MANBA: variants seen among roughly 807,000 people sequenced by gnomAD.
MANBA encodes beta-mannosidase.
Under a neutral mutation model 111.1 loss-of-function variants are expected in MANBA, and 83 were observed. That is an observed-to-expected ratio of 0.75 (90% confidence interval 0.63 to 0.90). MANBA has a LOEUF of 0.90. Among genes scored for constraint, MANBA ranks in the 40% least tolerant of loss-of-function variants. The pLI, the probability that MANBA is intolerant of heterozygous loss-of-function variation, is 0.00. For missense variants in MANBA, 1,036 were observed against 1,069.0 expected (o/e 0.97, Z 0.43); for synonymous variants, 370 against 378.7 (o/e 0.98, Z 0.27).
chr4:102,645,996 CT>C (rs1440007520), intron 13 of MANBA, among the ~76,000 whole-genome samples: 1 of 152,106 alleles, frequency 6.6e-6, no homozygotes, highest in Non-Finnish European at 1.5e-5. Context: ...AGCAGAAACC[CT>C]ACTCCATTCA....
intron 1 of MANBA, among the ~76,000 whole-genome samples, chr4:102,731,274 T>A (rs1488833606): frequency 6.6e-6 from 1 of 152,128 alleles, no homozygotes; most frequent in Admixed American, 6.5e-5. Flanking sequence ...ATCTGTGGTG[T>A]GTAGCCAGCA....
chr4:102,709,283 AAAGGAAGG>A (rs141516317), intron 5 of MANBA, among the ~76,000 whole-genome samples: 48,433 of 127,268 alleles, frequency 0.38, 10,402 homozygotes, highest in African/African-American at 0.46. Context: ...GAAAAGAAAG[AAAGGAAGG>A]AAGGAAGGAA....
intron 4 of MANBA, among the ~76,000 whole-genome samples, chr4:102,721,701 T>C (rs956621758): frequency 1.3e-5 from 2 of 152,104 alleles, no homozygotes; most frequent in Non-Finnish European, 2.9e-5. Flanking sequence ...ATTCCACTTA[T>C]ATAACATTTC....
chr4:102,730,765 T>C (rs1723004431), intron 1 of MANBA: 1 of 482,962 alleles, frequency 2.1e-6, no homozygotes, highest in Non-Finnish European at 4.1e-6. Context: ...TAAGTCTTTC[T>C]GAGTTTCTCT....
chr4:102,639,913 A>G lies in MANBA; in HGVS notation c.1870-56T>C, dbSNP rs1181285292. 53 of 1,590,640 alleles carry G rather than the reference A, an allele frequency of 3.3e-5. 1 individual carries two copies. The highest frequency in any genetic ancestry group is 3.3e-5 in the Non-Finnish European group (38 of 1,159,086). On this transcript the variant is annotated intron_variant, in intron 13 of 16. Coordinates refer to ENST00000647097, the MANE Select transcript of MANBA (RefSeq NM_005908.4). ...TTATTGTTTGATGTAGACTGCCTAG[A>G]TCTGAGAAAAATACAGGGTTTAGTT...
At chr4:102,691,418 A>G (rs1279917172) in intron 5 of MANBA, among the ~76,000 whole-genome samples, 2 of 152,106 alleles carry the variant, frequency 1.3e-5, no homozygotes, top group Non-Finnish European at 2.9e-5. Context: ...TCAGGACAGG[A>G]GAAATAAAAG....
intron 1 of MANBA, chr4:102,728,043 C>T (rs1365371176): frequency 2.0e-6 from 1 of 497,914 alleles, no homozygotes; most frequent in Non-Finnish European, 4.0e-6. Flanking sequence ...ACAGGTAGGG[C>T]TTTTGCAGGG....
At chr4:102,675,253 T>C (rs1731675359) in intron 7 of MANBA, among the ~76,000 whole-genome samples, 1 of 152,202 alleles carries the variant, frequency 6.6e-6, no homozygotes, top group South Asian at 2.1e-4. Context: ...ACTAAAACAT[T>C]ATTTGCCTTT....
intron 14 of MANBA, among the ~76,000 whole-genome samples, chr4:102,639,029 G>C (rs1350100590): frequency 6.6e-6 from 1 of 152,122 alleles, no homozygotes; most frequent in Admixed American, 6.5e-5. Flanking sequence ...GTCATCTCTA[G>C]TGAAGGGCAA....
chr4:102,634,697 A>G (rs1375722141), intron 16 of MANBA, 91 bp downstream of exon 16: 13 of 1,552,586 alleles, frequency 8.4e-6, no homozygotes, highest in African/African-American at 1.4e-5. Flanking sequence ...AGGGGGACAC[A>G]TGCAAATCTC....
intron 1 of MANBA, among the ~76,000 whole-genome samples, chr4:102,755,201 C>T (rs1212365119): frequency 2.0e-5 from 3 of 152,156 alleles, no homozygotes; most frequent in Admixed American, 6.5e-5. Context: ...GGAGGCATCA[C>T]GTTACCTGAC....
intron 1 of MANBA, among the ~76,000 whole-genome samples, chr4:102,758,890 T>G (rs1724127182): frequency 6.6e-6 from 1 of 152,144 alleles, no homozygotes; most frequent in Admixed American, 6.5e-5. Context: ...CTCATTCCAC[T>G]GCCATTTGAG....
intron 16 of MANBA, among the ~76,000 whole-genome samples, chr4:102,634,326 G>A (rs1296982652): frequency 6.6e-6 from 1 of 152,316 alleles, no homozygotes; most frequent in African/African-American, 2.4e-5. Context: ...ATTAGACTGC[G>A]TCAGCTGGGC....
intron 1 of MANBA, among the ~76,000 whole-genome samples, chr4:102,740,309 TG>T (rs1183843866): frequency 7.9e-5 from 12 of 152,180 alleles, no homozygotes; most frequent in African/African-American, 2.4e-4. Context: ...CACTAACAAA[TG>T]GAAACACATC....
chr4:102,672,262 C>A, intron 8 of MANBA: 1 of 392,334 alleles, frequency 2.5e-6, no homozygotes, highest in African/African-American at 2.1e-5. Context: ...TACTACAATG[C>A]ACATTTATAC....
chr4:102,664,202 CA>C lies in MANBA; in HGVS notation c.1485+482del, dbSNP rs996187461. On this transcript the variant is annotated intron_variant, in intron 11 of 16. Transcript: ENST00000647097. ...GAGCTGCACAGAGAAGTTAATCCTCCAAAAAGTCCACAGCCCATGAATCCTT... is the reference window on the plus strand; with the variant it reads ...GAGCTGCACAGAGAAGTTAATCCTCCAAAAGTCCACAGCCCATGAATCCTT... 5.7e-4 allele frequency among the ~76,000 whole-genome samples: 87 copies of C among 152,256 alleles called. 2 individuals carry two copies. The highest frequency in any genetic ancestry group is 9.2e-4 in the Admixed American group (14 of 15,284).
chr4:102,657,677 C>A lies in MANBA; in HGVS notation c.1704+5G>T. ...GAAACATTAGAAAATCAAACGATGA[C>A]TTACCTTTTCTAATGTACTGAAGGA... On this transcript the variant is annotated splice_donor_5th_base_variant and intron_variant, in intron 12 of 16. Transcript: ENST00000647097. 6.3e-7 allele frequency: 1 copy of A among 1,591,948 alleles called. No homozygotes were observed. Among genetic ancestry groups the A allele is most frequent in the Non-Finnish European group, 8.6e-7 (1 of 1,159,916 alleles).
At chr4:102,729,066 G>A in intron 1 of MANBA, 1 of 787,152 alleles carries the variant, frequency 1.3e-6, no homozygotes, top group Non-Finnish European at 2.3e-6. Context: ...TCAAGCAGTT[G>A]CCATGCCATG....
chr4:102,689,209 C>T (rs1732357585), intron 7 of MANBA, among the ~76,000 whole-genome samples: 3 of 151,850 alleles, frequency 2.0e-5, no homozygotes, highest in African/African-American at 4.8e-5. Context: ...GTTAGCTGGG[C>T]GTGGTGGCGG....
Sources: gnomAD v4.1 joint callset for allele counts (sites outside exome capture counted in the v4.1 genomes callset) on GRCh38, gnomAD v4.1.1 for gene constraint, MANE v1.5 for transcripts, NCBI Gene and HGNC (gene_info 2026-07-23, HGNC 2026-07-21) for gene names.